The following CEP162 variants were observed in gnomAD, a reference collection of about 807,000 sequenced individuals.
CEP162 encodes centrosomal protein 162.
CEP162 carries 141 observed loss-of-function variants against 169.2 expected under a neutral mutation model. That is an observed-to-expected ratio of 0.83 (90% CI 0.73 to 0.96). The LOEUF is 0.96. Among genes scored for constraint, CEP162 ranks in the 40% least tolerant of loss-of-function variants. The pLI, the probability that CEP162 is intolerant of heterozygous loss-of-function variation, is 0.00. For synonymous variants in CEP162, 540 were observed against 526.4 expected (o/e 1.03, Z -0.35); for missense variants, 1,600 against 1,587.2 (o/e 1.01, Z -0.14).
At position 84,168,429 on chromosome 6, in the gene CEP162, C is replaced by A. The variant is rs145784913; in HGVS notation, c.2385+899G>T. Among the ~76,000 whole-genome samples the A allele has an allele frequency of 3.0e-3, 452 of 152,182 alleles. 2 individuals carry two copies. Among genetic ancestry groups the A allele is most frequent in the African/African-American group, 9.9e-3 (411 of 41,538 alleles). On this transcript the variant is annotated intron_variant, in intron 18 of 26. Coordinates refer to ENST00000403245, the MANE Select transcript of CEP162 (RefSeq NM_014895.4). ...ATGGTATGTTTCTATTTCTTTGTAACCTAACTCTGTGTGGTAAATTACTAT... is the reference window on the plus strand; with the variant it reads ...ATGGTATGTTTCTATTTCTTTGTAAACTAACTCTGTGTGGTAAATTACTAT...
chr6:84,156,080 CT>C (rs141684477), intron 21 of CEP162, among the ~76,000 whole-genome samples: 6,441 of 152,098 alleles, frequency 0.042, 198 homozygotes, highest in Admixed American at 0.086. Context: ...AGCCACATGC[CT>C]ACAATCAACT....
chr6:84,126,168 T>C (rs2099508853), intron 26 of CEP162, among the ~76,000 whole-genome samples: 1 of 152,118 alleles, frequency 6.6e-6, no homozygotes, highest in African/African-American at 2.4e-5. Context: ...TTGCTTTTTT[T>C]CCAGATATAA....
In CEP162 at chr6:84,124,435, G is replaced by A. The variant is rs1050255062; in HGVS notation, c.*635C>T. 1 of 152,364 alleles carries A rather than the reference G, an allele frequency of 6.6e-6. No individual in the cohort carries two copies. Among genetic ancestry groups the A allele is most frequent in the Non-Finnish European group, 1.5e-5 (1 of 68,232 alleles). 9.4% of individuals were successfully genotyped at this position (152,364 alleles called of 1,614,324 possible). A position where few individuals can be genotyped will look rare whatever the true frequency, so the allele number is the denominator to read the frequency against. Reference sequence around the variant, plus strand: ...CATGTCATTTGCAGCAACATGGATAGAGCTGGAGGCCATTATCCTATGTGA... The same window carrying A: ...CATGTCATTTGCAGCAACATGGATAAAGCTGGAGGCCATTATCCTATGTGA... On this transcript the variant is annotated 3_prime_UTR_variant, in exon 27 of 27. Coordinates refer to ENST00000403245, the MANE Select transcript of CEP162 (RefSeq NM_014895.4).
intron 10 of CEP162, among the ~76,000 whole-genome samples, chr6:84,194,391 C>T (rs1180591941): frequency 6.5e-5 from 9 of 139,096 alleles, no homozygotes; most frequent in African/African-American, 2.0e-4. Context: ...AGTGAAATTT[C>T]GTTTTGTGTT....
chr6:84,198,404 C>T (rs796789568), intron 9 of CEP162, among the ~76,000 whole-genome samples: 3 of 152,038 alleles, frequency 2.0e-5, no homozygotes, highest in Non-Finnish European at 4.4e-5. Context: ...CAGCCTTCTG[C>T]GTAGCTACAA....
Position 84,124,268 on chromosome 6 carries a change from T to C in CEP162, c.*802A>G, listed in dbSNP as rs1465943908. 1 of 152,176 alleles carries C rather than the reference T, an allele frequency of 6.6e-6. No homozygotes were observed. 9.4% of individuals were successfully genotyped at this position (152,176 alleles called of 1,614,324 possible). On this transcript the variant is annotated 3_prime_UTR_variant, in exon 27 of 27. Transcript: ENST00000403245. ...AAAAAGATATCTGTACATGTATGTT[T>C]ATTGCAGCAATATTTACAATAGCAA...
At chr6:84,179,968 G>C (rs972458827) in intron 13 of CEP162, among the ~76,000 whole-genome samples, 1 of 152,136 alleles carries the variant, frequency 6.6e-6, no homozygotes, top group African/African-American at 2.4e-5. Flanking sequence ...AATAGAAAAA[G>C]AGGGAATCTT....
intron 1 of CEP162, among the ~76,000 whole-genome samples, chr6:84,226,698 T>C (rs2099555872): frequency 6.6e-6 from 1 of 152,182 alleles, no homozygotes; most frequent in African/African-American, 2.4e-5. Context: ...TGTTAAAGAG[T>C]GGTCTCTACA....
At chr6:84,219,289 G>T in intron 3 of CEP162, 1 of 512,420 alleles carries the variant, frequency 2.0e-6, no homozygotes, top group Middle Eastern at 3.2e-4. Flanking sequence ...CGTGGGCAGG[G>T]AAACCTCCCG....
chr6:84,224,230 T>C (rs1447635484), intron 2 of CEP162, among the ~76,000 whole-genome samples: 1 of 152,206 alleles, frequency 6.6e-6, no homozygotes, highest in African/African-American at 2.4e-5. Flanking sequence ...TGTTAATACA[T>C]ACTACGACAT....
intron 25 of CEP162, among the ~76,000 whole-genome samples, chr6:84,145,010 G>C (rs1281084448): frequency 1.3e-5 from 2 of 151,974 alleles, no homozygotes; most frequent in Non-Finnish European, 2.9e-5. Context: ...ATACTATCAA[G>C]GCTTTGATTG....
intron 6 of CEP162, among the ~76,000 whole-genome samples, chr6:84,206,318 T>C (rs1259044146): frequency 6.7e-6 from 1 of 150,158 alleles, no homozygotes; most frequent in Non-Finnish European, 1.5e-5. Flanking sequence ...GACTTCAAAC[T>C]ACACTACAAG....
chr6:84,141,277 A>G (rs1232815836), intron 25 of CEP162, among the ~76,000 whole-genome samples: 1 of 151,956 alleles, frequency 6.6e-6, no homozygotes, highest in Admixed American at 6.6e-5. Context: ...TTTTAAAGGG[A>G]GCATTCATTC....
Position 84,125,044 on chromosome 6 carries a change from A to G in CEP162, c.*26T>C. 6.4e-7 allele frequency: 1 copy of G among 1,559,626 alleles called. No homozygotes were observed. The highest frequency in any genetic ancestry group is 2.3e-5 in the East Asian group (1 of 44,442). On this transcript the variant is annotated 3_prime_UTR_variant, in exon 27 of 27. Coordinates refer to ENST00000403245, the MANE Select transcript of CEP162 (RefSeq NM_014895.4). ...CCATCCATCTTCAGGCCTTTTAATA[A>G]GGTCATTATGAAATCTGAATTTCTA...
intron 21 of CEP162, 26 bp from the exon 22 acceptor site, chr6:84,155,536 G>C: frequency 6.9e-7 from 1 of 1,441,598 alleles, no homozygotes; most frequent in Non-Finnish European, 9.7e-7. Flanking sequence ...TTCCACCAAA[G>C]AACACTTAGA....
intron 2 of CEP162, among the ~76,000 whole-genome samples, chr6:84,223,705 C>T (rs771248367): frequency 2.5e-4 from 37 of 150,928 alleles, no homozygotes; most frequent in Non-Finnish European, 4.4e-4. Flanking sequence ...TCAGGTGTTT[C>T]GGACCAGACT....
Position 84,126,365 on chromosome 6 carries a change from T to G in CEP162, c.4005+13A>C. 6.4e-7 allele frequency: 1 copy of G among 1,563,350 alleles called. No homozygotes were observed. Among genetic ancestry groups the G allele is most frequent in the Non-Finnish European group, 8.6e-7 (1 of 1,158,224 alleles). ...AAAGACCTATATAAATATGTAAATG[T>G]GATTTACTTTACCTGTTGAAGTTCC... On this transcript the variant is annotated intron_variant, in intron 26 of 26. Coordinates refer to ENST00000403245, the MANE Select transcript of CEP162 (RefSeq NM_014895.4).
intron 2 of CEP162, among the ~76,000 whole-genome samples, chr6:84,225,586 G>A (rs2099555391): frequency 6.6e-6 from 1 of 151,934 alleles, no homozygotes; most frequent in East Asian, 1.9e-4. Context: ...GTATTTATTA[G>A]GTACTGTAGA....
intron 18 of CEP162, among the ~76,000 whole-genome samples, chr6:84,168,544 G>C (rs2099528738): frequency 6.6e-6 from 1 of 152,112 alleles, no homozygotes; most frequent in African/African-American, 2.4e-5. Flanking sequence ...CTCAAAGGGA[G>C]GGGTGGGAGG....
Sources: allele counts gnomAD v4.1 joint callset (sites outside exome capture counted in the v4.1 genomes callset), GRCh38; gene constraint gnomAD v4.1.1; transcripts MANE v1.5; gene names NCBI Gene and HGNC (gene_info 2026-07-23, HGNC 2026-07-21).